The following UQCC1 variants were observed in gnomAD, a reference collection of about 807,000 sequenced individuals.
UQCC1 encodes ubiquinol-cytochrome c reductase complex assembly factor 1, also known as bFGF-repressed Zic-binding protein.
Under a neutral mutation model 48.0 loss-of-function variants are expected in UQCC1, and 38 were observed. The observed-to-expected ratio is 0.79, with a 90% CI of 0.61 to 1.04. The LOEUF is 1.04. UQCC1 is among the 50% of genes least tolerant of loss of function. The pLI, the probability that UQCC1 is intolerant of heterozygous loss-of-function variation, is 0.00. For missense variants in UQCC1, 368 were observed against 381.8 expected, an observed-to-expected ratio of 0.96 and a Z score of 0.30; for synonymous variants, 111 against 129.2, an observed-to-expected ratio of 0.86 and a Z score of 0.95.
At chr20:35,351,301 G>C (rs554499746) in intron 6 of UQCC1, among the ~76,000 whole-genome samples, 18 of 148,986 alleles carry the variant, frequency 1.2e-4, no homozygotes, top group African/African-American at 4.5e-4. Flanking sequence ...TGCGGCAGGA[G>C]AATCTCTTGA....
At chr20:35,318,364 A>G (rs1170619631) in intron 7 of UQCC1, among the ~76,000 whole-genome samples, 1 of 152,222 alleles carries the variant, frequency 6.6e-6, no homozygotes, top group Non-Finnish European at 1.5e-5. Context: ...CTACTTTACC[A>G]TCTGCAGGGC....
chr20:35,370,450 A>T (rs1570004), intron 5 of UQCC1, among the ~76,000 whole-genome samples: 84,794 of 151,948 alleles, frequency 0.56, 24,386 homozygotes, highest in East Asian at 0.72. Flanking sequence ...TGCATCCAGA[A>T]GGTATATTCC....
At chr20:35,397,991 A>C (rs778360336) in intron 1 of UQCC1, among the ~76,000 whole-genome samples, 19 of 152,238 alleles carry the variant, frequency 1.2e-4, no homozygotes, top group Non-Finnish European at 2.4e-4. Context: ...CTTCACAATC[A>C]CCACTCATGT....
intron 1 of UQCC1, among the ~76,000 whole-genome samples, chr20:35,405,976 A>C (rs928898108): frequency 6.6e-6 from 1 of 152,230 alleles, no homozygotes; most frequent in African/African-American, 2.4e-5. Flanking sequence ...CAGGCAGAAG[A>C]AAATAATCAG....
intron 9 of UQCC1, among the ~76,000 whole-genome samples, chr20:35,305,787 G>A (rs2060922177): frequency 6.6e-6 from 1 of 152,230 alleles, no homozygotes; most frequent in African/African-American, 2.4e-5. Flanking sequence ...GAACAAGAGA[G>A]TAACTGTGGC....
chr20:35,387,378 C>A (rs6088813), intron 2 of UQCC1, among the ~76,000 whole-genome samples: 82,504 of 151,984 alleles, frequency 0.54, 23,434 homozygotes, highest in East Asian at 0.72. Flanking sequence ...TTCTTGAATA[C>A]CATGGGCGTG....
intron 1 of UQCC1, among the ~76,000 whole-genome samples, chr20:35,402,078 G>C (rs2062173051): frequency 2.0e-5 from 3 of 152,164 alleles, no homozygotes; most frequent in Admixed American, 2.0e-4. Flanking sequence ...CAGTTACAAT[G>C]TGGCATGCTA....
At chr20:35,324,980 A>G (rs1376584736) in intron 7 of UQCC1, among the ~76,000 whole-genome samples, 3 of 152,382 alleles carry the variant, frequency 2.0e-5, no homozygotes, top group African/African-American at 7.2e-5. Flanking sequence ...GTACACACAT[A>G]CCAAGGGATA....
chr20:35,321,251 A>ACT (rs1206490570), intron 7 of UQCC1, among the ~76,000 whole-genome samples: 3 of 79,176 alleles, frequency 3.8e-5, no homozygotes, highest in African/African-American at 6.5e-5. Flanking sequence ...TACAAACAAA[A>ACT]CTGTGTGTGT....
intron 7 of UQCC1, chr20:35,345,820 T>G (rs1037082178): frequency 4.6e-5 from 7 of 152,150 alleles, no homozygotes; most frequent in African/African-American, 1.4e-4. Context: ...AACTTTGCCC[T>G]GTAATGAAAG....
intron 7 of UQCC1, among the ~76,000 whole-genome samples, chr20:35,335,267 A>G (rs1398198135): frequency 6.6e-6 from 1 of 152,192 alleles, no homozygotes; most frequent in African/African-American, 2.4e-5. Context: ...CCCTCAAGAA[A>G]GCTGAAAACT....
At chr20:35,388,237 C>T (rs1488882071) in intron 2 of UQCC1, among the ~76,000 whole-genome samples, 1 of 151,908 alleles carries the variant, frequency 6.6e-6, no homozygotes, top group African/African-American at 2.4e-5. Context: ...CCACCTTAGC[C>T]TCCCAAAGTG....
At chr20:35,343,839 A>T (rs919564832) in intron 7 of UQCC1, among the ~76,000 whole-genome samples, 2 of 152,190 alleles carry the variant, frequency 1.3e-5, no homozygotes, top group African/African-American at 4.8e-5. Context: ...CCCTGTCCTG[A>T]AACTTACTGA....
chr20:35,366,002 A>G (rs1348537816), intron 6 of UQCC1, among the ~76,000 whole-genome samples: 1 of 152,220 alleles, frequency 6.6e-6, no homozygotes, highest in Non-Finnish European at 1.5e-5. Context: ...AATACTGTGT[A>G]ACATTAGATG....
chr20:35,315,845 C>T (rs2061051920), intron 7 of UQCC1, among the ~76,000 whole-genome samples: 1 of 152,094 alleles, frequency 6.6e-6, no homozygotes, highest in African/African-American at 2.4e-5. Context: ...AGGATCGCGC[C>T]ACTGCACTCC....
intron 7 of UQCC1, among the ~76,000 whole-genome samples, chr20:35,325,304 C>T (rs2061180052): frequency 6.6e-6 from 1 of 152,150 alleles, no homozygotes; most frequent in African/African-American, 2.4e-5. Context: ...TACTTAATGC[C>T]ACTGAATTGA....
chr20:35,303,964 A>G lies in UQCC1; in HGVS notation c.871T>C (p.Ser291Pro). The G allele has an allele frequency of 5.0e-6, 8 of 1,614,088 alleles. No individual in the cohort carries two copies. The highest frequency in any genetic ancestry group is 6.8e-6 in the Non-Finnish European group (8 of 1,180,018). The change falls in exon 10 of 10, where the codon TCT becomes CCT. Residue 291 changes from serine (S) to proline (P), a missense_variant. Physicochemically the swap from Ser to Pro is moderately conservative, Grantham distance 74. Transcript: ENST00000374385. ...KNPQSILKPH[S>P]PTYNDEGL Reference sequence around the variant, plus strand: ...AGTCCCTCGTCGTTGTAAGTCGGAGAATGGGGCTTCAGGATGCTCTGAGGA... The same window carrying G: ...AGTCCCTCGTCGTTGTAAGTCGGAGGATGGGGCTTCAGGATGCTCTGAGGA...
intron 2 of UQCC1, among the ~76,000 whole-genome samples, chr20:35,392,558 T>C (rs989231235): frequency 6.6e-6 from 1 of 152,170 alleles, no homozygotes; most frequent in East Asian, 1.9e-4. Context: ...TAACAAATAC[T>C]ATTAAAAATT....
intron 7 of UQCC1, among the ~76,000 whole-genome samples, chr20:35,333,523 T>G (rs561763630): frequency 6.6e-6 from 1 of 152,198 alleles, no homozygotes; most frequent in East Asian, 1.9e-4. Context: ...AGCATGGAAA[T>G]TCATCAGGAC....
Sources: allele counts gnomAD v4.1 joint callset (sites outside exome capture counted in the v4.1 genomes callset), GRCh38; gene constraint gnomAD v4.1.1; transcripts MANE v1.5; gene names NCBI Gene and HGNC (gene_info 2026-07-23, HGNC 2026-07-21).